Variants in C10orf67 observed in about 807,000 individuals in gnomAD.
C10orf67 encodes uncharacterized protein C10orf67, mitochondrial.
C10orf67 carries 60 observed loss-of-function variants against 35.6 expected under a neutral mutation model. The observed-to-expected ratio is 1.68, with a 90% CI of 1.37 to 2.09. The LOEUF (loss-of-function observed/expected upper bound fraction) is 2.09, where lower values mean the gene tolerates loss of function less well. Ranked by LOEUF, C10orf67 falls within the 30% of genes most tolerant of loss-of-function variation. The pLI, the probability that C10orf67 is intolerant of heterozygous loss-of-function variation, is 0.00. For synonymous variants in C10orf67, 167 were observed against 115.8 expected (o/e 1.44, Z -2.84); for missense variants, 474 against 330.2 (o/e 1.44, Z -3.38).
chr10:23,248,821 T>C (rs1225266311), intron 12 of C10orf67, among the ~76,000 whole-genome samples: 1 of 152,074 alleles, frequency 6.6e-6, no homozygotes, highest in African/African-American at 2.4e-5. Flanking sequence ...ACATAGAAAG[T>C]GTGTAGTAAT....
At chr10:23,244,672 A>G (rs1016064292) in intron 12 of C10orf67, among the ~76,000 whole-genome samples, 5 of 152,328 alleles carry the variant, frequency 3.3e-5, no homozygotes, top group South Asian at 2.1e-4. Flanking sequence ...CTTGAAAACT[A>G]TAAAGCACTG....
At chr10:23,223,853 G>C (rs1841658660) in intron 13 of C10orf67, 35 bp from the exon 14 acceptor site, 1 of 711,482 alleles carries the variant, frequency 1.4e-6, no homozygotes. Flanking sequence ...TGTGTTATCA[G>C]GAGGAAATAA....
At chr10:23,321,123 A>G (rs1844939158) in intron 3 of C10orf67, among the ~76,000 whole-genome samples, 1 of 152,204 alleles carries the variant, frequency 6.6e-6, no homozygotes, top group African/African-American at 2.4e-5. Flanking sequence ...AAAGTAGTAA[A>G]GTCTATTTGT....
intron 4 of C10orf67, among the ~76,000 whole-genome samples, chr10:23,304,987 G>A (rs1220954080): frequency 6.6e-6 from 1 of 152,146 alleles, no homozygotes; most frequent in Non-Finnish European, 1.5e-5. Context: ...TAACTCGGCT[G>A]CAACCCTACT....
chr10:23,321,405 T>C (rs1013055216), intron 3 of C10orf67, among the ~76,000 whole-genome samples: 3 of 152,184 alleles, frequency 2.0e-5, no homozygotes, highest in African/African-American at 4.8e-5. Context: ...AGAGATGGGG[T>C]ATTGCTTTGT....
chr10:23,295,646 T>C (rs1484983934), intron 5 of C10orf67, among the ~76,000 whole-genome samples: 3 of 150,650 alleles, frequency 2.0e-5, no homozygotes, highest in South Asian at 2.1e-4. Context: ...TGGATCAAAA[T>C]TGCCTTGCCA....
intron 5 of C10orf67, among the ~76,000 whole-genome samples, chr10:23,299,278 T>A (rs1401637414): frequency 1.3e-5 from 2 of 152,142 alleles, no homozygotes; most frequent in African/African-American, 4.8e-5. Flanking sequence ...TTTAGGTCCT[T>A]AATCTTTTGG....
intron 1 of C10orf67, among the ~76,000 whole-genome samples, chr10:23,343,027 ACAT>A (rs1298330697): frequency 2.0e-5 from 3 of 152,262 alleles, no homozygotes; most frequent in Non-Finnish European, 4.4e-5. Flanking sequence ...TTTCCCAGAA[ACAT>A]CAGCTCTACA....
intron 4 of C10orf67, among the ~76,000 whole-genome samples, chr10:23,319,792 G>A (rs1844871464): frequency 6.6e-6 from 1 of 152,170 alleles, no homozygotes; most frequent in African/African-American, 2.4e-5. Context: ...CTCACCTTCA[G>A]GTCTCATTGG....
At chr10:23,215,203 A>G (rs1007062266) in intron 15 of C10orf67, among the ~76,000 whole-genome samples, 5 of 152,234 alleles carry the variant, frequency 3.3e-5, no homozygotes, top group African/African-American at 1.2e-4. Flanking sequence ...CAGCTATTAA[A>G]GAAACTAAAT....
At chr10:23,210,422 T>G (rs1424589805) in intron 15 of C10orf67, among the ~76,000 whole-genome samples, 1 of 151,500 alleles carries the variant, frequency 6.6e-6, no homozygotes, top group Non-Finnish European at 1.5e-5. Context: ...TCAGACTCAA[T>G]TTTTTTTTCC....
intron 1 of C10orf67, among the ~76,000 whole-genome samples, chr10:23,338,424 G>A (rs1471025544): frequency 1.3e-5 from 2 of 152,112 alleles, no homozygotes; most frequent in Non-Finnish European, 2.9e-5. Flanking sequence ...GCCACCTAGC[G>A]ACAGGTTGAT....
intron 13 of C10orf67, among the ~76,000 whole-genome samples, chr10:23,231,797 C>T (rs886686753): frequency 6.6e-6 from 1 of 152,060 alleles, no homozygotes; most frequent in Admixed American, 6.6e-5. Flanking sequence ...GTGGTATATT[C>T]GTGTATTAGA....
chr10:23,246,568 A>G (rs1320067447), intron 12 of C10orf67, among the ~76,000 whole-genome samples: 2 of 152,182 alleles, frequency 1.3e-5, no homozygotes, highest in Non-Finnish European at 2.9e-5. Context: ...ACATCACCAG[A>G]TCTTACAGAT....
intron 11 of C10orf67, 42 bp from the exon 12 acceptor site, chr10:23,250,562 A>T (rs1024864624): frequency 4.8e-5 from 19 of 398,548 alleles, no homozygotes; most frequent in Non-Finnish European, 7.5e-5. Context: ...TATTAGTTAC[A>T]AATGAACATT....
intron 2 of C10orf67, among the ~76,000 whole-genome samples, chr10:23,324,155 G>C (rs982851861): frequency 1.3e-5 from 2 of 150,824 alleles, no homozygotes; most frequent in African/African-American, 4.9e-5. Context: ...TATCTGGTGG[G>C]GTGGCTTCAC....
chr10:23,256,343 C>T (rs550881181), intron 10 of C10orf67, among the ~76,000 whole-genome samples: 3 of 152,082 alleles, frequency 2.0e-5, no homozygotes, highest in African/African-American at 7.2e-5. Flanking sequence ...CTCCTGGCTC[C>T]CGCTTAGGAA....
intron 8 of C10orf67, among the ~76,000 whole-genome samples, chr10:23,278,300 C>G (rs1388332856): frequency 6.6e-6 from 1 of 152,178 alleles, no homozygotes; most frequent in South Asian, 2.1e-4. Context: ...GAAATTAATC[C>G]TGGAAACCCC....
At chr10:23,249,130 T>TA (rs1842383956) in intron 12 of C10orf67, among the ~76,000 whole-genome samples, 1 of 13,576 alleles carries the variant, frequency 7.4e-5, no homozygotes, top group Non-Finnish European at 1.4e-4. Flanking sequence ...AAACTCCCTC[T>TA]CAAAAAAAAA....
Sources: gnomAD v4.1 joint callset for allele counts (sites outside exome capture counted in the v4.1 genomes callset) on GRCh38, gnomAD v4.1.1 for gene constraint, MANE v1.5 for transcripts, NCBI Gene and HGNC (gene_info 2026-07-23, HGNC 2026-07-21) for gene names.